TAF4B: variants seen among roughly 807,000 people sequenced by gnomAD.
TAF4B encodes the protein TATA-box binding protein associated factor 4b, also known as transcription initiation factor TFIID subunit 4B.
In TAF4B, 38 loss-of-function variants were observed where a neutral mutation model predicts 86.4. That is an observed-to-expected ratio of 0.44 (90% CI 0.34 to 0.58). The LOEUF (loss-of-function observed/expected upper bound fraction) is 0.58. Among genes scored for constraint, TAF4B ranks in the 20% least tolerant of loss-of-function variants. The probability of loss-of-function intolerance (pLI) is 0.02; values close to 1 mark genes in which losing one functional copy is unlikely to be tolerated. For missense variants in TAF4B, 988 were observed against 1,027.6 expected, an observed-to-expected ratio of 0.96 and a Z score of 0.53; for synonymous variants, 388 against 391.2, an observed-to-expected ratio of 0.99 and a Z score of 0.10.
At chr18:26,272,035 C>T (rs537331099) in intron 3 of TAF4B, among the ~76,000 whole-genome samples, 9 of 151,984 alleles carry the variant, frequency 5.9e-5, no homozygotes, top group Admixed American at 2.6e-4. Context: ...TAGCAGGCCC[C>T]CATCTCACAA....
At chr18:26,232,709 C>T (rs369755275) in intron 1 of TAF4B, among the ~76,000 whole-genome samples, 1 of 152,188 alleles carries the variant, frequency 6.6e-6, no homozygotes, top group Non-Finnish European at 1.5e-5. Context: ...GGTACAAAGT[C>T]CTCCTTTCTC....
intron 1 of TAF4B, among the ~76,000 whole-genome samples, chr18:26,261,885 G>T (rs62085367): frequency 2.0e-5 from 3 of 152,134 alleles, no homozygotes; most frequent in Non-Finnish European, 2.9e-5. Context: ...TCTGTTTAAC[G>T]TAAAGACATT....
At chr18:26,243,052 A>G (rs1456982762) in intron 1 of TAF4B, among the ~76,000 whole-genome samples, 1 of 152,110 alleles carries the variant, frequency 6.6e-6, no homozygotes, top group Non-Finnish European at 1.5e-5. Context: ...GAATCTGACA[A>G]TTATGTGTCT....
Position 26,261,926 on chromosome 18 carries a change from G to A in TAF4B, c.344-3244G>A, listed in dbSNP as rs143897550. Among the ~76,000 whole-genome samples, 3 of 152,208 alleles carry A rather than the reference G, an allele frequency of 2.0e-5. No individual in the cohort carries two copies. The East Asian group carries it at 5.8e-4, about 29-fold the overall frequency. On this transcript the variant is annotated intron_variant, in intron 1 of 14. Coordinates refer to ENST00000269142, the MANE Select transcript of TAF4B (RefSeq NM_005640.3). ...TAGGGAGATATTGGGAGCAGAGGTC[G>A]GGACTGTGGCTTTCTTCTCTCTGAG... is the stretch of plus-strand genomic sequence containing the variant.
At chr18:26,322,979 T>C (rs1366333519) in intron 11 of TAF4B, among the ~76,000 whole-genome samples, 2 of 152,210 alleles carry the variant, frequency 1.3e-5, no homozygotes, top group African/African-American at 4.8e-5. Flanking sequence ...TCTTTTGAGA[T>C]TTATTTGATT....
At chr18:26,357,862 T>G in intron 14 of TAF4B, 68 bp downstream of exon 14, 1 of 1,222,350 alleles carries the variant, frequency 8.2e-7, no homozygotes, top group South Asian at 1.4e-5. Context: ...AGCAAAGACT[T>G]AAAAATAGTT....
Position 26,264,250 on chromosome 18 carries a change from C to G in TAF4B, c.344-920C>G, listed in dbSNP as rs552658940. Among the ~76,000 whole-genome samples, 264 of 152,174 alleles carry G rather than the reference C, an allele frequency of 1.7e-3. 1 individual carries two copies. The highest frequency in any genetic ancestry group is 5.7e-3 in the African/African-American group (237 of 41,522). ...GATCAGGGATTTGAGACCAGCCTGG[C>G]CAACATGGCAAAACCTCATCTCTAC... On this transcript the variant is annotated intron_variant, in intron 1 of 14. Transcript: ENST00000269142.
chr18:26,243,024 C>A (rs2055864548), intron 1 of TAF4B, among the ~76,000 whole-genome samples: 1 of 152,128 alleles, frequency 6.6e-6, no homozygotes, highest in Non-Finnish European at 1.5e-5. Flanking sequence ...ATATTTTTTC[C>A]TTCATTTCAA....
intron 10 of TAF4B, among the ~76,000 whole-genome samples, chr18:26,316,009 C>A (rs1211871652): frequency 2.0e-5 from 3 of 152,082 alleles, no homozygotes. Flanking sequence ...TTGAGACTAG[C>A]CTGGCCAACA....
chr18:26,315,205 A>G (rs1163687371), intron 9 of TAF4B, 24 bp from the exon 10 acceptor site: 3 of 1,526,586 alleles, frequency 2.0e-6, no homozygotes, highest in Admixed American at 1.9e-5. Flanking sequence ...CCTAAAATGT[A>G]TAACTTTTTT....
chr18:26,237,899 C>G (rs886518149), intron 1 of TAF4B, among the ~76,000 whole-genome samples: 1 of 152,216 alleles, frequency 6.6e-6, no homozygotes, highest in East Asian at 1.9e-4. Flanking sequence ...CAAGGGTGAG[C>G]CTGTTGATGC....
intron 5 of TAF4B, among the ~76,000 whole-genome samples, chr18:26,280,904 G>A (rs577867375): frequency 7.5e-4 from 114 of 152,248 alleles, no homozygotes; most frequent in African/African-American, 2.6e-3. Flanking sequence ...CAGCAGAGGT[G>A]TTAATTGACA....
chr18:26,260,082 C>T (rs1257152294), intron 1 of TAF4B, among the ~76,000 whole-genome samples: 2 of 152,082 alleles, frequency 1.3e-5, no homozygotes, highest in Non-Finnish European at 2.9e-5. Context: ...TAAATGTCTT[C>T]TTTTGAGAAG....
intron 3 of TAF4B, among the ~76,000 whole-genome samples, chr18:26,270,974 T>A (rs1282650942): frequency 1.3e-5 from 2 of 152,238 alleles, no homozygotes; most frequent in Non-Finnish European, 2.9e-5. Context: ...GTGGACCATT[T>A]ATTTTTCTTA....
At chr18:26,254,336 T>C (rs1445406945) in intron 1 of TAF4B, among the ~76,000 whole-genome samples, 1 of 152,196 alleles carries the variant, frequency 6.6e-6, no homozygotes, top group Non-Finnish European at 1.5e-5. Context: ...TTTGGTTTTG[T>C]TGATTTTTCT....
At position 26,344,814 on chromosome 18, in the gene TAF4B, G is replaced by T. The variant is rs116947504; in HGVS notation, c.2316+9583G>T. Among the ~76,000 whole-genome samples the T allele has an allele frequency of 1.8e-4, 28 of 152,316 alleles. No individual in the cohort carries two copies. The East Asian group carries it at 5.2e-3, about 28-fold the overall frequency. On this transcript the variant is annotated intron_variant, in intron 13 of 14. Transcript: ENST00000269142. Reference sequence around the variant, plus strand: ...CTAGAATGTCAGAGAGAGCGCTGGAGTGTGGTTGGGGAATGGAGACACACC... The same window carrying T: ...CTAGAATGTCAGAGAGAGCGCTGGATTGTGGTTGGGGAATGGAGACACACC...
At chr18:26,367,981 C>T (rs1037723232) in intron 14 of TAF4B, among the ~76,000 whole-genome samples, 2 of 152,146 alleles carry the variant, frequency 1.3e-5, no homozygotes, top group African/African-American at 4.8e-5. Context: ...TTTGTCACTG[C>T]AATTTTTTAT....
In TAF4B at chr18:26,231,229, G is replaced by A. The variant is rs530623371; in HGVS notation, c.343+3953G>A. Among the ~76,000 whole-genome samples the A allele has an allele frequency of 2.4e-4, 37 of 151,168 alleles. 1 individual carries two copies. Among genetic ancestry groups the A allele is most frequent in the African/African-American group, 9.0e-4 (37 of 41,278 alleles). On this transcript the variant is annotated intron_variant, in intron 1 of 14. Coordinates refer to ENST00000269142, the MANE Select transcript of TAF4B (RefSeq NM_005640.3). ...TAATTTTTGTTGTATTTTTAGTAGA[G>A]ATGAGGTTTCTCCATGTTGGTCAGG...
intron 1 of TAF4B, among the ~76,000 whole-genome samples, chr18:26,233,557 A>C (rs1464961056): frequency 6.6e-6 from 1 of 152,142 alleles, no homozygotes; most frequent in African/African-American, 2.4e-5. Context: ...AATTATGCTG[A>C]TGGGATAGTA....
Sources: gnomAD v4.1 joint callset for allele counts (sites outside exome capture counted in the v4.1 genomes callset) on GRCh38, gnomAD v4.1.1 for gene constraint, MANE v1.5 for transcripts, NCBI Gene and HGNC (gene_info 2026-07-23, HGNC 2026-07-21) for gene names.